Variants in COMMD7 observed in about 807,000 individuals in gnomAD.
The protein encoded by COMMD7 is COMM domain-containing protein 7.
A neutral mutation model predicts 34.8 loss-of-function variants in COMMD7; 28 were observed. That is an observed-to-expected ratio of 0.80 (90% confidence interval 0.60 to 1.10). The LOEUF is 1.10. Among genes scored for constraint, COMMD7 ranks in the 50% least tolerant of loss-of-function variants. The pLI is 0.00. For synonymous variants in COMMD7, 80 were observed against 86.4 expected (o/e 0.93, Z 0.41); for missense variants, 211 against 241.6 (o/e 0.87, Z 0.84).
chr20:32,737,130 C>T (rs897036560), intron 1 of COMMD7, among the ~76,000 whole-genome samples: 2 of 151,276 alleles, frequency 1.3e-5, no homozygotes, highest in Non-Finnish European at 1.5e-5. Context: ...TGCAGTGAGC[C>T]GAGATCGCGC....
Position 32,715,251 on chromosome 20 carries a change from G to C in COMMD7, c.242-8491C>G, listed in dbSNP as rs1600977217. Among the ~76,000 whole-genome samples the C allele has an allele frequency of 4.6e-5, 7 of 152,048 alleles. 1 individual carries two copies. The South Asian group carries it at 1.4e-3, about 31-fold the overall frequency. ...ATATCCCAGCACTCTGGGAGGCTGA[G>C]GCAGGTGGACTGCTTGAACTCAGGA... On this transcript the variant is annotated intron_variant, in intron 3 of 8. Coordinates refer to ENST00000278980, the MANE Select transcript of COMMD7 (RefSeq NM_053041.3).
intron 1 of COMMD7, among the ~76,000 whole-genome samples, chr20:32,730,983 C>T (rs1163147601): frequency 1.3e-5 from 2 of 152,158 alleles, no homozygotes; most frequent in East Asian, 3.8e-4. Context: ...ACACATTAAA[C>T]TCTACACATC....
chr20:32,713,678 G>C (rs569907426), intron 3 of COMMD7, among the ~76,000 whole-genome samples: 21 of 152,172 alleles, frequency 1.4e-4, no homozygotes, highest in Non-Finnish European at 2.6e-4. Context: ...CATTTACTGA[G>C]CACTGCCATG....
Position 32,743,311 on chromosome 20 carries a change from C to T in COMMD7, c.81G>A (p.Ala27=). Residue 27 remains alanine, a synonymous_variant, in exon 1 of 9, where the codon GCG becomes GCA. Transcript: ENST00000278980. The stretch of plus-strand genomic sequence containing the variant: ...CACGCCCCGCCGCCGGGCCCACCTG[C>T]GCGCCCAGCTGGTTCAGCTGCTGCA... ...GDMQQLNQLG[A]QQFSALTEVL... 1 of 1,516,578 alleles carries T rather than the reference C, an allele frequency of 6.6e-7. No homozygotes were observed. The highest frequency in any genetic ancestry group is 2.3e-4 in the Middle Eastern group (1 of 4,308). The allele number at this position is 1,516,578 out of a possible 1,614,324, so 93.9% of individuals were successfully genotyped here.
intron 3 of COMMD7, among the ~76,000 whole-genome samples, chr20:32,722,023 T>G (rs952719499): frequency 9.9e-5 from 15 of 151,668 alleles, no homozygotes; most frequent in Admixed American, 4.0e-4. Context: ...ATCACGTCAC[T>G]GCACTCCAGC....
At chr20:32,704,669 G>C in intron 6 of COMMD7, 145 bp downstream of exon 6, 1 of 786,860 alleles carries the variant, frequency 1.3e-6, no homozygotes, top group East Asian at 2.6e-5. Flanking sequence ...AACAGCTACT[G>C]AATGTGGACA....
chr20:32,730,524 C>T (rs967793536), intron 1 of COMMD7, among the ~76,000 whole-genome samples: 2 of 151,872 alleles, frequency 1.3e-5, no homozygotes, highest in Non-Finnish European at 2.9e-5. Flanking sequence ...CACTGCACTC[C>T]AGCCTGGGTG....
chr20:32,736,257 T>C (rs1986125061), intron 1 of COMMD7, among the ~76,000 whole-genome samples: 1 of 152,202 alleles, frequency 6.6e-6, no homozygotes, highest in Admixed American at 6.6e-5. Context: ...GAATTCAAAA[T>C]AAATTCAGCT....
At chr20:32,743,252 G>T in intron 1 of COMMD7, 56 bp downstream of exon 1, 2 of 642,176 alleles carry the variant, frequency 3.1e-6, no homozygotes, top group Non-Finnish European at 2.5e-6. Flanking sequence ...CCCACCCCAG[G>T]CCCGGATCCT....
chr20:32,721,464 G>T (rs577251227), intron 3 of COMMD7, among the ~76,000 whole-genome samples: 33 of 150,884 alleles, frequency 2.2e-4, no homozygotes, highest in African/African-American at 7.8e-4. Context: ...ACAAAAAATT[G>T]CTGGGCAGGA....
intron 7 of COMMD7, 109 bp from the exon 8 acceptor site, chr20:32,704,180 G>C (rs1983917716): frequency 1.0e-6 from 1 of 953,118 alleles, no homozygotes; most frequent in Non-Finnish European, 1.6e-6. Context: ...TCATACAGGA[G>C]CAGTCTGGAT....
intron 1 of COMMD7, among the ~76,000 whole-genome samples, chr20:32,732,781 A>G (rs1034337887): frequency 3.3e-5 from 5 of 151,704 alleles, no homozygotes; most frequent in African/African-American, 4.8e-5. Flanking sequence ...TAAAAATACA[A>G]AAAAATTAGC....
chr20:32,705,369 TA>T (rs1201420294), intron 5 of COMMD7, among the ~76,000 whole-genome samples: 1 of 91,610 alleles, frequency 1.1e-5, no homozygotes, highest in Non-Finnish European at 2.8e-5. Flanking sequence ...TATATATATA[TA>T]TATATATTTT....
At chr20:32,703,932 T>C (rs769954839) in intron 8 of COMMD7, 91 bp downstream of exon 8, 9 of 1,598,732 alleles carry the variant, frequency 5.6e-6, no homozygotes, top group Non-Finnish European at 7.7e-6. Flanking sequence ...ACTGTTTTTA[T>C]AGAAGACATG....
In COMMD7 at chr20:32,704,496, CAAAA is replaced by C. The variant is rs59379723; in HGVS notation, c.428-11_428-8del. On this transcript the variant is annotated splice_polypyrimidine_tract_variant and splice_region_variant and intron_variant, in intron 6 of 8. Transcript: ENST00000278980. Reference sequence around the variant, plus strand: ...TCGCTGCTCCCAGATGTCACTGTGACAAAAAAAAAAAAAAAGAGAGAGAGAGAGA... The same window carrying C: ...TCGCTGCTCCCAGATGTCACTGTGACAAAAAAAAAAAGAGAGAGAGAGAGA... 5.0e-4 allele frequency: 701 copies of C among 1,398,768 alleles called. No individual in the cohort carries two copies. The highest frequency in any genetic ancestry group is 1.2e-3 in the South Asian group (87 of 72,498). 86.6% of individuals were successfully genotyped at this position (1,398,768 alleles called of 1,614,324 possible).
At chr20:32,719,136 G>A (rs889263483) in intron 3 of COMMD7, among the ~76,000 whole-genome samples, 1 of 152,194 alleles carries the variant, frequency 6.6e-6, no homozygotes, top group Admixed American at 6.6e-5. Context: ...GCCAAACTGA[G>A]GCCTACAGAC....
chr20:32,738,587 GA>G (rs925137672), intron 1 of COMMD7, among the ~76,000 whole-genome samples: 1 of 151,722 alleles, frequency 6.6e-6, no homozygotes, highest in African/African-American at 2.4e-5. Flanking sequence ...TATCTCAAAG[GA>G]AAAAAAATGT....
At chr20:32,742,669 T>C (rs1249874496) in intron 1 of COMMD7, 3 of 152,176 alleles carry the variant, frequency 2.0e-5, no homozygotes, top group African/African-American at 4.8e-5. Flanking sequence ...TCCCAGTGAC[T>C]CTCCTTAACT....
intron 3 of COMMD7, among the ~76,000 whole-genome samples, chr20:32,726,781 C>T (rs184279923): frequency 2.9e-3 from 438 of 152,194 alleles, no homozygotes; most frequent in African/African-American, 9.7e-3. Flanking sequence ...CACAAAAACA[C>T]GAGGCTCAGA....
Sources: allele counts gnomAD v4.1 joint callset (sites outside exome capture counted in the v4.1 genomes callset), GRCh38; gene constraint gnomAD v4.1.1; transcripts MANE v1.5; gene names NCBI Gene and HGNC (gene_info 2026-07-23, HGNC 2026-07-21).